The following C5orf34 variants were observed in gnomAD, a reference collection of about 807,000 sequenced individuals.
C5orf34 encodes the protein uncharacterized protein C5orf34.
In C5orf34, 73 loss-of-function variants were observed where a neutral mutation model predicts 78.4. That is an observed-to-expected ratio of 0.93 (90% CI 0.77 to 1.13). The LOEUF is 1.13. Among genes scored for constraint, C5orf34 ranks in the 50% most tolerant of loss-of-function variants. C5orf34 has a pLI of 0.00. For synonymous variants in C5orf34, 251 were observed against 246.6 expected (o/e 1.02, Z -0.17); for missense variants, 730 against 732.7 (o/e 1.00, Z 0.04).
chr5:43,505,471 G>GT, intron 4 of C5orf34: 1 of 347,966 alleles, frequency 2.9e-6, no homozygotes, highest in South Asian at 1.1e-4. Flanking sequence ...TAGATTCTAA[G>GT]TTGCTATAAA....
At chr5:43,509,808 T>G (rs1298033662) in intron 1 of C5orf34, among the ~76,000 whole-genome samples, 1 of 152,078 alleles carries the variant, frequency 6.6e-6, no homozygotes, top group Non-Finnish European at 1.5e-5. Context: ...CAGGCTAGAG[T>G]GCAGTGGTGT....
rs145111126 is a variant in C5orf34, at chr5:43,486,927, G to A, written c.1905C>T (p.Asn635=). ...ATAATTCCATTTTTCACTTTTTAGA[G>A]TTTGATAGAAGACAGTCAATATCGT... ...ILHDIDCLLS[N]SKK The change falls in exon 13 of 13, where the codon AAC becomes AAT. Residue 635 remains asparagine (N), a synonymous_variant. Coordinates refer to ENST00000306862, the MANE Select transcript of C5orf34 (RefSeq NM_198566.4). 1.9e-5 allele frequency: 29 copies of A among 1,512,290 alleles called. No individual in the cohort carries two copies. The highest frequency in any genetic ancestry group is 3.5e-4 in the Middle Eastern group (2 of 5,674). The allele number at this position is 1,512,290 out of a possible 1,614,324, so 93.7% of individuals were successfully genotyped here.
intron 6 of C5orf34, among the ~76,000 whole-genome samples, chr5:43,497,031 CTA>C (rs1484025526): frequency 6.6e-6 from 1 of 152,012 alleles, no homozygotes; most frequent in African/African-American, 2.4e-5. Flanking sequence ...TTTAAAAAAA[CTA>C]TTTTAATTGA....
intron 11 of C5orf34, 22 bp from the exon 12 acceptor site, chr5:43,487,971 A>C (rs1457407246): frequency 2.5e-6 from 4 of 1,588,844 alleles, no homozygotes; most frequent in Non-Finnish European, 2.6e-6. Flanking sequence ...AAAAGAAAAA[A>C]TTCATTCAGT....
chr5:43,500,699 A>G (rs1047678763), intron 6 of C5orf34, among the ~76,000 whole-genome samples: 7 of 152,194 alleles, frequency 4.6e-5, no homozygotes, highest in African/African-American at 1.7e-4. Context: ...CCCAGCCTAA[A>G]TATTTATAAT....
chr5:43,501,221 T>C (rs970126269), intron 6 of C5orf34, among the ~76,000 whole-genome samples: 9 of 152,238 alleles, frequency 5.9e-5, no homozygotes, highest in African/African-American at 1.7e-4. Flanking sequence ...TGACTATGCA[T>C]ACCTACTCTA....
chr5:43,488,003 T>A lies in C5orf34; in HGVS notation c.1680-54A>T, dbSNP rs140834220. On this transcript the variant is annotated intron_variant, in intron 11 of 12. Transcript: ENST00000306862. ...CAGTTGTCTGATTCTTTTGTATTCA[T>A]GATATTTCAAATAAGCATACCTGAC... 353 of 1,437,694 alleles carry A rather than the reference T, an allele frequency of 2.5e-4. 1 individual carries two copies. The African/African-American group carries it at 3.6e-3, about 15-fold the overall frequency. The allele number at this position is 1,437,694 out of a possible 1,614,324, so 89.1% of individuals were successfully genotyped here.
At chr5:43,513,025 A>C (rs6869817) in intron 1 of C5orf34, among the ~76,000 whole-genome samples, 1 of 151,998 alleles carries the variant, frequency 6.6e-6, no homozygotes, top group East Asian at 1.9e-4. Flanking sequence ...CTCGTGATCC[A>C]CCCGTTTTGG....
intron 6 of C5orf34, chr5:43,496,581 AATTTTTTTT>A (rs757503161): frequency 1.6e-5 from 10 of 608,914 alleles, no homozygotes; most frequent in Admixed American, 1.1e-4. Flanking sequence ...AGTTTTTTTT[AATTTTTTTT>A]TTTTTTTTTT....
intron 11 of C5orf34, among the ~76,000 whole-genome samples, chr5:43,489,313 C>T (rs1391918622): frequency 6.6e-6 from 1 of 152,076 alleles, no homozygotes; most frequent in Non-Finnish European, 1.5e-5. Flanking sequence ...TTTCTTCCTT[C>T]AACCTACCCT....
intron 3 of C5orf34, among the ~76,000 whole-genome samples, chr5:43,506,694 A>G (rs951020349): frequency 3.3e-5 from 5 of 152,188 alleles, no homozygotes; most frequent in African/African-American, 1.2e-4. Flanking sequence ...AATTAAACAG[A>G]TTTGTATCCC....
chr5:43,487,559 G>A (rs1012516896), intron 12 of C5orf34, among the ~76,000 whole-genome samples: 1 of 152,004 alleles, frequency 6.6e-6, no homozygotes, highest in Non-Finnish European at 1.5e-5. Flanking sequence ...AAATTTAGAT[G>A]AATTGGGTGA....
intron 7 of C5orf34, among the ~76,000 whole-genome samples, chr5:43,494,188 C>CATTTAAATGTAATATCATTTAAATGTAAT (rs1745404292): frequency 6.6e-6 from 1 of 152,088 alleles, no homozygotes; most frequent in Admixed American, 6.5e-5. Flanking sequence ...TTAAATGTAA[C>CATTTAAATGTAATATCATTTAAATGTAAT]ATCAAATCTC....
intron 2 of C5orf34, 69 bp from the exon 3 acceptor site, chr5:43,508,735 C>G (rs1746095921): frequency 2.1e-6 from 2 of 932,342 alleles, no homozygotes; most frequent in Non-Finnish European, 3.5e-6. Flanking sequence ...AATGACAGTA[C>G]AGTATAATCC....
rs772973947 is a variant in C5orf34 at position 43,506,272 on chromosome 5, C to G, written c.408G>C (p.Leu136=). 1 of 1,614,140 alleles carries G rather than the reference C, an allele frequency of 6.2e-7. No individual in the cohort carries two copies. Among genetic ancestry groups the G allele is most frequent in the East Asian group, 2.2e-5 (1 of 44,880 alleles). Residue 136 remains leucine, a synonymous_variant, in exon 4 of 13, where the codon CTG becomes CTC. Coordinates refer to ENST00000306862, the MANE Select transcript of C5orf34 (RefSeq NM_198566.4). ...CTGTAAATTCATGCTGAGATCTGGG[C>G]AGGCAGAGGTATGCATGACCATCTA... ...TSLDGHAYLC[L]PRSQHEFTVH...
At chr5:43,505,438 T>G (rs1745939355) in intron 4 of C5orf34, 1 of 258,488 alleles carries the variant, frequency 3.9e-6, no homozygotes, top group African/African-American at 2.2e-5. Flanking sequence ...TTTAATAATC[T>G]TTTTAGGTAC....
intron 11 of C5orf34, chr5:43,490,368 A>T: frequency 4.0e-6 from 1 of 250,704 alleles, no homozygotes; most frequent in Non-Finnish European, 7.5e-6. Flanking sequence ...TCACATAAAA[A>T]GAGCCACTCA....
In C5orf34 at chr5:43,503,742, T is replaced by C; in HGVS notation, c.951A>G (p.Ser317=). The C allele has an allele frequency of 6.2e-7, 1 of 1,612,692 alleles. No individual in the cohort carries two copies. Among genetic ancestry groups the C allele is most frequent in the Admixed American group, 1.7e-5 (1 of 60,008 alleles). ...ATTCATCAGATTGTCTCTGTAAAAGTGAATCACAAAAATTCCACCTGTGAA... is the reference window on the plus strand; with the variant it reads ...ATTCATCAGATTGTCTCTGTAAAAGCGAATCACAAAAATTCCACCTGTGAA... ...PHLHRWNFCD[S]LLQRQSDEYS... is the part of the protein sequence containing the mutation. The change falls in exon 5 of 13, where the codon TCA becomes TCG. Residue 317 remains serine (S), a synonymous_variant. Transcript: ENST00000306862.
intron 1 of C5orf34, among the ~76,000 whole-genome samples, chr5:43,510,815 C>T (rs1746205780): frequency 1.3e-5 from 2 of 152,252 alleles, no homozygotes; most frequent in South Asian, 2.1e-4. Flanking sequence ...CAGCCGCCTG[C>T]CTTGGCCTCC....
Sources: gnomAD v4.1 joint callset for allele counts (sites outside exome capture counted in the v4.1 genomes callset) on GRCh38, gnomAD v4.1.1 for gene constraint, MANE v1.5 for transcripts, NCBI Gene and HGNC (gene_info 2026-07-23, HGNC 2026-07-21) for gene names.